STK33: variants seen among roughly 807,000 people sequenced by gnomAD.
STK33 encodes the protein serine/threonine kinase 33, also known as serine/threonine-protein kinase 33.
STK33 carries 52 observed loss-of-function variants against 58.0 expected under a neutral mutation model. The ratio of observed to expected loss-of-function variants is 0.90; its 90% CI spans 0.72 to 1.13. The LOEUF (loss-of-function observed/expected upper bound fraction) is 1.13, where lower values mean the gene tolerates loss of function less well. STK33 is among the 50% of genes most tolerant of loss of function. The probability of loss-of-function intolerance (pLI) is 0.00; values close to 1 mark genes in which losing one functional copy is unlikely to be tolerated. For synonymous variants in STK33, 215 were observed against 200.1 expected (o/e 1.07, Z -0.63); for missense variants, 630 against 604.2 (o/e 1.04, Z -0.45).
the STK33 span, among the ~76,000 whole-genome samples, chr11:8,348,680 C>G: frequency 6.6e-6 from 1 of 152,150 alleles, no homozygotes; most frequent in African/African-American, 2.4e-5. Flanking sequence ...GTAAAAGGAG[C>G]TTTAGGAACT....
chr11:8,558,030 A>C (rs1175664623), intron 1 of STK33, among the ~76,000 whole-genome samples: 1 of 152,190 alleles, frequency 6.6e-6, no homozygotes, highest in Non-Finnish European at 1.5e-5. Context: ...TAGAAAAATC[A>C]CTCAATTCAC....
At chr11:8,349,480 G>A in the STK33 span, among the ~76,000 whole-genome samples, 1 of 152,092 alleles carries the variant, frequency 6.6e-6, no homozygotes, top group Non-Finnish European at 1.5e-5. Context: ...TCATCACAGG[G>A]GCTCTGGGAG....
At chr11:8,386,455 G>T in the STK33 span, among the ~76,000 whole-genome samples, 1 of 152,186 alleles carries the variant, frequency 6.6e-6, no homozygotes. Flanking sequence ...GCATGGTTTT[G>T]GGTAGCTAGA....
chr11:8,431,310 G>A (rs2136162158), intron 14 of STK33, among the ~76,000 whole-genome samples: 1 of 152,216 alleles, frequency 6.6e-6, no homozygotes, highest in East Asian at 1.9e-4. Context: ...TACAGAAGGA[G>A]AAAATAACAG....
At chr11:8,584,482 T>C (rs1372804525) in intron 1 of STK33, among the ~76,000 whole-genome samples, 2 of 152,142 alleles carry the variant, frequency 1.3e-5, no homozygotes, top group Admixed American at 1.3e-4. Flanking sequence ...CAACTTTCAG[T>C]TATTAATAAC....
intron 15 of STK33, among the ~76,000 whole-genome samples, chr11:8,400,522 G>A (rs1187381459): frequency 1.3e-5 from 2 of 152,270 alleles, no homozygotes; most frequent in East Asian, 3.9e-4. Flanking sequence ...CATAATGAAT[G>A]GGCAAAAACT....
chr11:8,350,081 G>A, the STK33 span, among the ~76,000 whole-genome samples: 6 of 152,364 alleles, frequency 3.9e-5, no homozygotes, highest in East Asian at 1.9e-4. Context: ...GGCATTGCTC[G>A]ATGGAACACA....
intron 5 of STK33, among the ~76,000 whole-genome samples, chr11:8,474,322 T>G (rs1026720680): frequency 3.9e-5 from 6 of 152,148 alleles, no homozygotes; most frequent in African/African-American, 1.4e-4. Context: ...TAACTACCCT[T>G]TACTTAACCA....
At chr11:8,376,491 T>C in the STK33 span, among the ~76,000 whole-genome samples, 1 of 152,244 alleles carries the variant, frequency 6.6e-6, no homozygotes, top group African/African-American at 2.4e-5. Flanking sequence ...GTCTGATCTC[T>C]GCAAGTGGAG....
intron 1 of STK33, among the ~76,000 whole-genome samples, chr11:8,504,113 T>C (rs1951705499): frequency 6.6e-6 from 1 of 152,194 alleles, no homozygotes; most frequent in Non-Finnish European, 1.5e-5. Context: ...CCCCGCTCCA[T>C]GTTTTATCTC....
At chr11:8,385,446 C>T in the STK33 span, among the ~76,000 whole-genome samples, 4 of 152,180 alleles carry the variant, frequency 2.6e-5, no homozygotes, top group Admixed American at 2.6e-4. Flanking sequence ...AGCTCTTCCC[C>T]TGTTCCCTCT....
At chr11:8,354,249 C>T in the STK33 span, among the ~76,000 whole-genome samples, 4 of 152,090 alleles carry the variant, frequency 2.6e-5, no homozygotes, top group Admixed American at 6.5e-5. Context: ...CAGGCCCGGC[C>T]GGAACTGCCT....
At chr11:8,429,022 T>C (rs1308881417) in intron 14 of STK33, among the ~76,000 whole-genome samples, 2 of 152,116 alleles carry the variant, frequency 1.3e-5, no homozygotes, top group Non-Finnish European at 2.9e-5. Flanking sequence ...TAAAATCCAT[T>C]CAAGCAAAAA....
chr11:8,559,736 C>A (rs1956997248), intron 1 of STK33, among the ~76,000 whole-genome samples: 1 of 151,992 alleles, frequency 6.6e-6, no homozygotes, highest in Admixed American at 6.6e-5. Flanking sequence ...CTGAAAGAGT[C>A]CAGAGGGTAT....
intron 8 of STK33, among the ~76,000 whole-genome samples, chr11:8,459,072 T>A (rs1014558564): frequency 6.6e-6 from 1 of 152,214 alleles, no homozygotes; most frequent in African/African-American, 2.4e-5. Flanking sequence ...AAATGATAAG[T>A]GAACTATTTG....
chr11:8,531,527 C>A (rs2140131228), intron 1 of STK33, among the ~76,000 whole-genome samples: 1 of 152,304 alleles, frequency 6.6e-6, no homozygotes, highest in African/African-American at 2.4e-5. Context: ...AGATGCCAAC[C>A]AGCTGTCAAC....
downstream of STK33, among the ~76,000 whole-genome samples, chr11:8,388,717 G>A (rs1848577760): frequency 6.6e-6 from 1 of 152,188 alleles, no homozygotes; most frequent in Admixed American, 6.5e-5. Flanking sequence ...AGCAGCCAGT[G>A]TAGGGTGGCC....
chr11:8,373,859 G>A, the STK33 span, among the ~76,000 whole-genome samples: 2 of 152,194 alleles, frequency 1.3e-5, no homozygotes, highest in African/African-American at 2.4e-5. Flanking sequence ...CAAAGAGGGG[G>A]CTGTGGCTGC....
In STK33 at chr11:8,521,173, C is replaced by T. The variant is rs539159775; in HGVS notation, c.-465-40559G>A. Reference sequence around the variant, plus strand: ...CAAAAAAGAGCCCCCATTGCCAAGACAATCCTAAGCCAAAAGAACAAAGCT... The same window carrying T: ...CAAAAAAGAGCCCCCATTGCCAAGATAATCCTAAGCCAAAAGAACAAAGCT... On this transcript the variant is annotated intron_variant, in intron 1 of 15. Transcript: ENST00000687296. Among the ~76,000 whole-genome samples, 28 of 152,196 alleles carry T rather than the reference C, an allele frequency of 1.8e-4. 1 individual carries two copies. The South Asian group carries it at 5.8e-3, about 32-fold the overall frequency.
Sources: allele counts gnomAD v4.1 joint callset (sites outside exome capture counted in the v4.1 genomes callset), GRCh38; gene constraint gnomAD v4.1.1; transcripts MANE v1.5; gene names NCBI Gene and HGNC (gene_info 2026-07-23, HGNC 2026-07-21).